The following CUL1 variants were observed in gnomAD, a reference collection of about 807,000 sequenced individuals.
CUL1 encodes cullin-1.
CUL1 carries 24 observed loss-of-function variants against 118.0 expected under a neutral mutation model. The ratio of observed to expected loss-of-function variants is 0.20; its 90% CI spans 0.15 to 0.29. The LOEUF (loss-of-function observed/expected upper bound fraction) is 0.29. Among genes scored for constraint, CUL1 ranks in the 10% least tolerant of loss-of-function variants. CUL1 has a pLI of 1.00. For missense variants in CUL1, 361 were observed against 933.8 expected (o/e 0.39, Z 7.99); for synonymous variants, 332 against 340.4 (o/e 0.98, Z 0.27).
chr7:148,795,084 C>T (rs932711083), intron 17 of CUL1, among the ~76,000 whole-genome samples: 11 of 152,212 alleles, frequency 7.2e-5, no homozygotes, highest in East Asian at 1.9e-4. Flanking sequence ...CTGCCTGCCT[C>T]GGCCTCCCAA....
At chr7:148,766,444 A>G in intron 7 of CUL1, 117 bp from the exon 8 acceptor site, 1 of 874,842 alleles carries the variant, frequency 1.1e-6, no homozygotes, top group Non-Finnish European at 1.7e-6. Context: ...ATTTTATTAG[A>G]GCTGGCATGT....
chr7:148,744,341 G>A (rs2129460020), intron 2 of CUL1, among the ~76,000 whole-genome samples: 1 of 149,876 alleles, frequency 6.7e-6, no homozygotes, highest in East Asian at 2.0e-4. Context: ...CCTTCTTTAG[G>A]ATTATTTGAA....
rs761975125 is a variant in CUL1 at position 148,792,758 on chromosome 7, G to A, written c.1839G>A (p.Gln613=). The A allele has an allele frequency of 1.2e-6, 2 of 1,613,220 alleles. No homozygotes were observed. The highest frequency in any genetic ancestry group is 8.5e-7 in the Non-Finnish European group (1 of 1,179,710). ...CATTCCAGATGGCTATCCTGCTTCAGTACAACACGGAAGATGCCTACACTG... is the reference window on the plus strand; with the variant it reads ...CATTCCAGATGGCTATCCTGCTTCAATACAACACGGAAGATGCCTACACTG... ...ASTFQMAILL[Q]YNTEDAYTVQ... The change falls in exon 17 of 22, where the codon CAG becomes CAA. Residue 613 remains glutamine (Q), a synonymous_variant. Transcript: ENST00000325222.
chr7:148,757,120 A>G lies in CUL1; in HGVS notation c.453A>G (p.Glu151=). The part of the protein sequence containing the change: ...NRHWVRRECD[E]GRKGIYEIYS... The stretch of plus-strand genomic sequence containing the variant: ...ATTGGGTTCGCCGTGAATGTGACGA[A>G]GGACGAAAAGGAATATATGAAATCT... Residue 151 remains glutamate, a synonymous_variant, in exon 4 of 22, where the codon GAA becomes GAG. Transcript: ENST00000325222. 6.3e-7 allele frequency: 1 copy of G among 1,577,510 alleles called. No individual in the cohort carries two copies.
At position 148,786,892 on chromosome 7, in the gene CUL1, A is replaced by T. The variant is rs1011866018; in HGVS notation, c.1348-97A>T. On this transcript the variant is annotated intron_variant, in intron 12 of 21. Coordinates refer to ENST00000325222, the MANE Select transcript of CUL1 (RefSeq NM_003592.3). The stretch of plus-strand genomic sequence containing the variant: ...TACAGACCTGCCCAAAGCCAAAGGC[A>T]CATCTTGGCTCCTGGCTTGTGGCCG... 16 of 1,491,052 alleles carry T rather than the reference A, an allele frequency of 1.1e-5. No individual in the cohort carries two copies. The African/African-American group carries it at 2.1e-4, about 19-fold the overall frequency. 92.4% of individuals were successfully genotyped at this position (1,491,052 alleles called of 1,614,324 possible). A position where few individuals can be genotyped will look rare whatever the true frequency, so the allele number is the denominator to read the frequency against.
chr7:148,798,049 T>G (rs781533350), intron 19 of CUL1, 30 bp downstream of exon 19: 5 of 1,353,150 alleles, frequency 3.7e-6, no homozygotes, highest in Non-Finnish European at 5.2e-6. Context: ...TAGATGGCCC[T>G]TGACCATAGA....
At chr7:148,782,886 C>G (rs1260645522) in intron 9 of CUL1, among the ~76,000 whole-genome samples, 5 of 152,152 alleles carry the variant, frequency 3.3e-5, no homozygotes, top group East Asian at 1.9e-4. Flanking sequence ...TGACCCGGAG[C>G]TCCCTCCCAC....
At chr7:148,798,060 C>T (rs1169289693) in intron 19 of CUL1, 41 bp downstream of exon 19, 16 of 1,227,762 alleles carry the variant, frequency 1.3e-5, no homozygotes, top group Admixed American at 1.8e-5. Context: ...TGACCATAGA[C>T]ACGTCCCCCG....
At chr7:148,745,668 A>G (rs756670951) in intron 2 of CUL1, among the ~76,000 whole-genome samples, 8 of 152,228 alleles carry the variant, frequency 5.3e-5, no homozygotes, top group Admixed American at 4.6e-4. Context: ...TGTGTTCTCT[A>G]TTCGCAGGAA....
chr7:148,734,583 A>G (rs754739164), intron 2 of CUL1, among the ~76,000 whole-genome samples: 1 of 152,214 alleles, frequency 6.6e-6, no homozygotes, highest in Non-Finnish European at 1.5e-5. Flanking sequence ...GTAAAATTCT[A>G]TGCAGGTGGG....
At chr7:148,747,619 A>T (rs1458489633) in intron 2 of CUL1, among the ~76,000 whole-genome samples, 1 of 151,884 alleles carries the variant, frequency 6.6e-6, no homozygotes. Context: ...TCATCGACCT[A>T]CTCTCCCAGG....
At chr7:148,791,018 TTTCTC>T (rs1783658697) in intron 16 of CUL1, among the ~76,000 whole-genome samples, 1 of 152,200 alleles carries the variant, frequency 6.6e-6, no homozygotes, top group African/African-American at 2.4e-5. Context: ...GTTAAAGTCT[TTTCTC>T]TTAAAGTCTA....
intron 16 of CUL1, among the ~76,000 whole-genome samples, chr7:148,791,752 C>T (rs1007570378): frequency 6.6e-6 from 1 of 152,258 alleles, no homozygotes; most frequent in African/African-American, 2.4e-5. Flanking sequence ...GAGAGGCAAG[C>T]AGTGACTGAC....
intron 7 of CUL1, among the ~76,000 whole-genome samples, chr7:148,765,560 G>A (rs1255874607): frequency 6.6e-6 from 1 of 152,186 alleles, no homozygotes; most frequent in Middle Eastern, 3.2e-3. Context: ...GAGCCCAGGA[G>A]TTTGAGGCTG....
rs576881621 is a variant in CUL1 at position 148,771,023 on chromosome 7, T to G, written c.1083+3274T>G. Among the ~76,000 whole-genome samples, 5 of 152,342 alleles carry G rather than the reference T, an allele frequency of 3.3e-5. No homozygotes were observed. In the South Asian group the frequency reaches 1.0e-3, roughly 32 times the overall value. ...ATTTTTGCCTAATTAAGTTGAATCA[T>G]AGTGTACGAGAATCATTTATAATTA... On this transcript the variant is annotated intron_variant, in intron 9 of 21. Transcript: ENST00000325222.
intron 9 of CUL1, among the ~76,000 whole-genome samples, chr7:148,768,020 C>CTAG (rs2129460937): frequency 6.6e-6 from 1 of 152,154 alleles, no homozygotes; most frequent in South Asian, 2.1e-4. Flanking sequence ...CTTGCACTCA[C>CTAG]TAGAAGAAGC....
intron 4 of CUL1, 113 bp from the exon 5 acceptor site, chr7:148,759,191 C>G: frequency 9.5e-7 from 1 of 1,051,606 alleles, no homozygotes; most frequent in East Asian, 2.5e-5. Context: ...TTTTGACCAA[C>G]TTGTAATCTA....
chr7:148,716,642 T>C (rs966257132), intron 1 of CUL1, among the ~76,000 whole-genome samples: 1 of 152,156 alleles, frequency 6.6e-6, no homozygotes, highest in South Asian at 2.1e-4. Flanking sequence ...AAAAGAAAAA[T>C]GTATCTACAC....
At chr7:148,701,875 A>G (rs1431730510) in intron 1 of CUL1, among the ~76,000 whole-genome samples, 1 of 152,212 alleles carries the variant, frequency 6.6e-6, no homozygotes, top group Admixed American at 6.5e-5. Context: ...AGCCTTCCGT[A>G]GGTCCTAAAG....
Sources: allele counts gnomAD v4.1 joint callset (sites outside exome capture counted in the v4.1 genomes callset), GRCh38; gene constraint gnomAD v4.1.1; transcripts MANE v1.5; gene names NCBI Gene and HGNC (gene_info 2026-07-23, HGNC 2026-07-21).